Variants in KALRN observed in about 807,000 individuals in gnomAD.
The protein encoded by KALRN is kalirin.
A neutral mutation model predicts 353.7 loss-of-function variants in KALRN; 70 were observed. The observed-to-expected ratio is 0.20, with a 90% CI of 0.16 to 0.24. KALRN has a LOEUF of 0.24. Ranked by LOEUF, KALRN falls within the 10% of genes least tolerant of loss-of-function variation. KALRN has a pLI of 1.00. For missense variants in KALRN, 2,791 were observed against 3,756.7 expected (o/e 0.74, Z 6.72); for synonymous variants, 1,391 against 1,434.8 (o/e 0.97, Z 0.69).
chr3:124,424,636 A>C (rs912857758), intron 15 of KALRN, among the ~76,000 whole-genome samples: 2 of 152,186 alleles, frequency 1.3e-5, no homozygotes, highest in African/African-American at 4.8e-5. Context: ...TTTCTGCTTA[A>C]TGACACTGGG....
intron 3 of KALRN, among the ~76,000 whole-genome samples, chr3:124,255,219 C>A (rs2071775531): frequency 6.6e-6 from 1 of 152,192 alleles, no homozygotes; most frequent in Admixed American, 6.5e-5. Flanking sequence ...GCTGGGATTA[C>A]AGGCATGAGC....
chr3:124,087,319 C>G (rs2060877045), intron 1 of KALRN, among the ~76,000 whole-genome samples: 1 of 152,144 alleles, frequency 6.6e-6, no homozygotes, highest in Non-Finnish European at 1.5e-5. Context: ...CAGAGAAAGT[C>G]TAATTTCTTT....
At chr3:124,171,910 G>T (rs552515071) in intron 1 of KALRN, among the ~76,000 whole-genome samples, 1 of 152,080 alleles carries the variant, frequency 6.6e-6, no homozygotes, top group Non-Finnish European at 1.5e-5. Context: ...CTCTCTCTCC[G>T]CAGATCTTGA....
intron 13 of KALRN, among the ~76,000 whole-genome samples, chr3:124,399,264 G>T (rs373002000): frequency 6.6e-6 from 1 of 152,118 alleles, no homozygotes; most frequent in Admixed American, 6.5e-5. Flanking sequence ...TCAGCCTCCC[G>T]AATAGCTGGG....
At chr3:124,507,436 A>G (rs138377446) in intron 33 of KALRN, among the ~76,000 whole-genome samples, 2 of 152,356 alleles carry the variant, frequency 1.3e-5, no homozygotes, top group South Asian at 2.1e-4. Context: ...AGGGCAAACT[A>G]CTAGGAACTA....
At chr3:124,440,436 C>G (rs1021125548) in intron 18 of KALRN, among the ~76,000 whole-genome samples, 1 of 151,968 alleles carries the variant, frequency 6.6e-6, no homozygotes, top group African/African-American at 2.4e-5. Context: ...TATTTATATT[C>G]ATTAGTTGAT....
chr3:124,598,290 C>T (rs1204987374), intron 34 of KALRN, among the ~76,000 whole-genome samples: 1 of 152,186 alleles, frequency 6.6e-6, no homozygotes, highest in Non-Finnish European at 1.5e-5. Flanking sequence ...ACTCCAATGG[C>T]CTGGAATCTC....
In KALRN at chr3:124,678,273, G is replaced by A. The variant is rs779935599; in HGVS notation, c.7277G>A (p.Arg2426His). Residue 2426 changes from arginine to histidine, a missense_variant, in exon 50 of 60, where the codon CGT (arginine) becomes CAT (histidine). This residue lies in a region of KALRN where 1,065 missense variants were observed against 1,156.4 expected (regional missense o/e 0.92). Transcript: ENST00000682506. ...GGTAAAAATGAAGCCACAGGGCCTC[G>A]TAAACCCAAGGATATTCTGGGCAAC... ...NTGKNEATGP[R>H]KPKDILGNKV... 9.3e-6 allele frequency: 15 copies of A among 1,613,878 alleles called. No individual in the cohort carries two copies. The highest frequency in any genetic ancestry group is 5.5e-5 in the South Asian group (5 of 91,072).
intron 14 of KALRN, among the ~76,000 whole-genome samples, chr3:124,416,415 C>G (rs1272483252): frequency 6.6e-6 from 1 of 152,220 alleles, no homozygotes; most frequent in Non-Finnish European, 1.5e-5. Context: ...GGCTGCCCAC[C>G]CCCACAATAT....
At chr3:124,619,098 G>A (rs2078979629) in intron 34 of KALRN, among the ~76,000 whole-genome samples, 1 of 146,350 alleles carries the variant, frequency 6.8e-6, no homozygotes. Flanking sequence ...GGTAACCAGT[G>A]TTTTATTTTC....
chr3:124,591,340 G>A (rs1431568608), intron 34 of KALRN, among the ~76,000 whole-genome samples: 1 of 152,006 alleles, frequency 6.6e-6, no homozygotes, highest in Admixed American at 6.6e-5. Flanking sequence ...GCCTCACTGT[G>A]TTGCCCAAGC....
intron 59 of KALRN, 119 bp from the exon 60 acceptor site, chr3:124,718,806 C>T (rs1371203576): frequency 2.2e-6 from 2 of 923,218 alleles, no homozygotes; most frequent in Non-Finnish European, 3.3e-6. Flanking sequence ...ATTTTCTGTA[C>T]ACCATAGGCT....
chr3:124,482,627 G>A (rs1561088472), intron 27 of KALRN, among the ~76,000 whole-genome samples, 181 bp from the exon 28 acceptor site: 1 of 151,372 alleles, frequency 6.6e-6, no homozygotes, highest in Non-Finnish European at 1.5e-5. Context: ...TTCTCTATAT[G>A]CATCTTGGTC....
chr3:124,304,200 T>G (rs1189229026), intron 6 of KALRN, among the ~76,000 whole-genome samples: 1 of 151,782 alleles, frequency 6.6e-6, no homozygotes, highest in Non-Finnish European at 1.5e-5. Context: ...GACACTGCCA[T>G]AGCTGCAAAG....
intron 10 of KALRN, among the ~76,000 whole-genome samples, chr3:124,357,037 G>A (rs9824919): frequency 0.12 from 17,751 of 152,108 alleles, 1,274 homozygotes; most frequent in Non-Finnish European, 0.16. Context: ...CACCCCTTCC[G>A]GTGTGCTCTT....
intron 1 of KALRN, among the ~76,000 whole-genome samples, chr3:124,198,627 G>A (rs140470840): frequency 2.6e-4 from 39 of 152,292 alleles, no homozygotes; most frequent in Non-Finnish European, 5.1e-4. Context: ...CTCTTGATAA[G>A]GAGTTCTTAT....
rs1308221080 is a variant in KALRN at position 124,678,277 on chromosome 3, A to T, written c.7281A>T (p.Lys2427Asn). Reference protein sequence around the residue: ...TGKNEATGPRKPKDILGNKVS... With the variant: ...TGKNEATGPRNPKDILGNKVS... ...AAAATGAAGCCACAGGGCCTCGTAA[A>T]CCCAAGGATATTCTGGGCAACAAAG... The change falls in exon 50 of 60, where the codon AAA becomes AAT. Residue 2427 changes from lysine (K) to asparagine (N), a missense_variant. Physicochemically the swap from Lys to Asn is moderately conservative, Grantham distance 94. Around this residue, in one of 11 missense-constraint regions of KALRN, gnomAD observed 1,065 missense variants for 1,156.4 expected, o/e 0.92. Transcript: ENST00000682506. 6.2e-7 allele frequency: 1 copy of T among 1,613,932 alleles called. No individual in the cohort carries two copies. Among genetic ancestry groups the T allele is most frequent in the Admixed American group, 1.7e-5 (1 of 60,002 alleles).
In KALRN at chr3:124,584,849, C is replaced by T. The variant is rs56407180; in HGVS notation, c.5182+21760C>T. The T allele has an allele frequency of 1.8e-3, 2,883 of 1,606,840 alleles. 4 individuals carry two copies. The highest frequency in any genetic ancestry group is 2.2e-3 in the Non-Finnish European group (2,572 of 1,176,852). ...GAAGGGCGGCGACAGGGCTTACACC[C>T]GAGGTCCCTCTTTGGGGTGGCTCTT... is the stretch of plus-strand genomic sequence containing the variant. On this transcript the variant is annotated intron_variant, in intron 34 of 59. Coordinates refer to ENST00000682506, the MANE Select transcript of KALRN (RefSeq NM_001388419.1).
chr3:124,438,819 G>A (rs2093568459), intron 17 of KALRN, 69 bp from the exon 18 acceptor site: 1 of 1,430,970 alleles, frequency 7.0e-7, no homozygotes, highest in Non-Finnish European at 9.6e-7. Flanking sequence ...GCTTCTATAG[G>A]CTGAAGGTCC....
Sources: gnomAD v4.1 joint callset for allele counts (sites outside exome capture counted in the v4.1 genomes callset) on GRCh38, gnomAD v4.1.1 for gene constraint, gnomAD v4.1.1 regional missense constraint, MANE v1.5 for transcripts, NCBI Gene and HGNC (gene_info 2026-07-23, HGNC 2026-07-21) for gene names.